GALNT1: variants seen among roughly 807,000 people sequenced by gnomAD.
GALNT1 encodes the protein polypeptide N-acetylgalactosaminyltransferase 1.
A neutral mutation model predicts 65.7 loss-of-function variants in GALNT1; 17 were observed. The ratio of observed to expected loss-of-function variants is 0.26; its 90% CI spans 0.18 to 0.39. GALNT1 has a LOEUF of 0.39. Among genes scored for constraint, GALNT1 ranks in the 10% least tolerant of loss-of-function variants. The probability of loss-of-function intolerance (pLI) is 1.00; values close to 1 mark genes in which losing one functional copy is unlikely to be tolerated. For missense variants in GALNT1, 460 were observed against 672.8 expected, an observed-to-expected ratio of 0.68 and a Z score of 3.50; for synonymous variants, 210 against 219.7, an observed-to-expected ratio of 0.96 and a Z score of 0.39.
At chr18:35,624,569 A>G (rs1372635816) in intron 1 of GALNT1, among the ~76,000 whole-genome samples, 3 of 151,970 alleles carry the variant, frequency 2.0e-5, no homozygotes, top group South Asian at 2.1e-4. Context: ...ATGTATTGGG[A>G]TTTATTTCTA....
chr18:35,588,303 A>G (rs1345247425), intron 1 of GALNT1, among the ~76,000 whole-genome samples: 2 of 152,148 alleles, frequency 1.3e-5, no homozygotes, highest in African/African-American at 4.8e-5. Flanking sequence ...ATCCACTGTC[A>G]TTCTAATAAT....
At chr18:35,591,443 T>C (rs377343786) in intron 1 of GALNT1, among the ~76,000 whole-genome samples, 4 of 152,248 alleles carry the variant, frequency 2.6e-5, no homozygotes, top group African/African-American at 9.6e-5. Flanking sequence ...GCTGTACTTA[T>C]ATTAATTCAT....
At chr18:35,657,992 A>G (rs1166029673) in intron 2 of GALNT1, among the ~76,000 whole-genome samples, 3 of 152,210 alleles carry the variant, frequency 2.0e-5, no homozygotes, top group African/African-American at 7.2e-5. Context: ...ACAGTGGGGT[A>G]TCAGAAACGT....
chr18:35,672,193 C>T (rs1402755161), intron 3 of GALNT1, among the ~76,000 whole-genome samples: 2 of 152,178 alleles, frequency 1.3e-5, no homozygotes, highest in Admixed American at 6.5e-5. Context: ...TTGCACACTT[C>T]CTGGAATCTA....
Position 35,687,117 on chromosome 18 carries a change from A to G in GALNT1, c.791A>G (p.Asn264Ser), listed in dbSNP as rs1054039963. The change falls in exon 6 of 12, where the codon AAT becomes AGT. Residue 264 changes from asparagine to serine, a missense_variant. Coordinates refer to ENST00000269195, the MANE Select transcript of GALNT1 (RefSeq NM_020474.4). ...TATGGTGGGTTCAACTGGAAGCTCA[A>G]TTTTCGCTGGTATCCTGTTCCCCAA... ...MTYGGFNWKLNFRWYPVPQRE... is the reference protein window; with the variant it reads ...MTYGGFNWKLSFRWYPVPQRE... 20 of 1,613,756 alleles carry G rather than the reference A, an allele frequency of 1.2e-5. No homozygotes were observed. Among genetic ancestry groups the G allele is most frequent in the Non-Finnish European group, 1.5e-5 (18 of 1,179,882 alleles).
At chr18:35,609,245 A>G (rs1009629473) in intron 1 of GALNT1, among the ~76,000 whole-genome samples, 51 of 152,182 alleles carry the variant, frequency 3.4e-4, no homozygotes, top group Admixed American at 2.0e-4. Context: ...TATTAGTGGT[A>G]CTGTAGAGGA....
chr18:35,676,735 G>C (rs371916576), intron 3 of GALNT1, among the ~76,000 whole-genome samples: 1 of 152,118 alleles, frequency 6.6e-6, no homozygotes, highest in Non-Finnish European at 1.5e-5. Context: ...GTTTAGGGGG[G>C]CTTATGTTCT....
chr18:35,597,559 CTG>C (rs2046520825), intron 1 of GALNT1: 1 of 152,348 alleles, frequency 6.6e-6, no homozygotes, highest in Non-Finnish European at 1.5e-5. Flanking sequence ...CCTTTACATG[CTG>C]CTCCTTTAAT....
Position 35,632,917 on chromosome 18 carries a change from A to T in GALNT1, c.-103-21643A>T, listed in dbSNP as rs529953158. 4.6e-5 allele frequency among the ~76,000 whole-genome samples: 7 copies of T among 152,382 alleles called. No homozygotes were observed. In the East Asian group the frequency reaches 1.3e-3, roughly 29 times the overall value. The stretch of plus-strand genomic sequence containing the variant: ...GAACAGACACTTCTCAAAAGAAGAC[A>T]TTTATGCAGCCAAAAGACACATGAA... On this transcript the variant is annotated intron_variant, in intron 1 of 11. Coordinates refer to ENST00000269195, the MANE Select transcript of GALNT1 (RefSeq NM_020474.4).
At chr18:35,638,238 C>G (rs1185618749) in intron 1 of GALNT1, among the ~76,000 whole-genome samples, 1 of 152,094 alleles carries the variant, frequency 6.6e-6, no homozygotes, top group East Asian at 1.9e-4. Context: ...CCCACAGACC[C>G]CGACCAAGCG....
chr18:35,590,768 C>A (rs916430290), intron 1 of GALNT1, among the ~76,000 whole-genome samples: 1 of 152,156 alleles, frequency 6.6e-6, no homozygotes, highest in Non-Finnish European at 1.5e-5. Context: ...ATTTACAAGT[C>A]CCCATGCGTG....
rs548250973 is a variant in GALNT1, at chr18:35,709,331, G to GACTT, written c.1534-291_1534-288dup. Among the ~76,000 whole-genome samples the GACTT allele has an allele frequency of 1.9e-4, 29 of 152,160 alleles. No individual in the cohort carries two copies. In the South Asian group the frequency reaches 5.6e-3, roughly 29 times the overall value. ...GTTACAGAGCTTATGCCAGAATTAGGACTTAGAATTTAGGTCATCTTGCAG... is the reference window on the plus strand; with the variant it reads ...GTTACAGAGCTTATGCCAGAATTAGGACTTACTTAGAATTTAGGTCATCTTGCAG... On this transcript the variant is annotated intron_variant, in intron 11 of 11. Transcript: ENST00000269195.
At chr18:35,631,243 A>G (rs1265981140) in intron 1 of GALNT1, among the ~76,000 whole-genome samples, 22 of 152,226 alleles carry the variant, frequency 1.4e-4, no homozygotes, top group Admixed American at 1.4e-3. Flanking sequence ...TGGCAGAGAC[A>G]CAACTTTAAA....
At chr18:35,673,981 A>G (rs189749630) in intron 3 of GALNT1, among the ~76,000 whole-genome samples, 133 of 152,314 alleles carry the variant, frequency 8.7e-4, no homozygotes, top group Admixed American at 3.4e-3. Flanking sequence ...CTCCCAGTCT[A>G]TTAACCTGCA....
chr18:35,594,718 AAGTGTACT>A (rs544452271), intron 1 of GALNT1, among the ~76,000 whole-genome samples: 117 of 152,316 alleles, frequency 7.7e-4, no homozygotes, highest in African/African-American at 2.8e-3. Flanking sequence ...AAGGCTGGTT[AAGTGTACT>A]AGGAGGCAAC....
chr18:35,660,730 C>T (rs2047467338), intron 2 of GALNT1, among the ~76,000 whole-genome samples: 1 of 152,184 alleles, frequency 6.6e-6, no homozygotes, highest in Non-Finnish European at 1.5e-5. Context: ...CATATATTCA[C>T]TAACCACATG....
At position 35,685,908 on chromosome 18, in the gene GALNT1, A is replaced by G. The variant is rs570615693; in HGVS notation, c.690-1108A>G. On this transcript the variant is annotated intron_variant, in intron 5 of 11. Transcript: ENST00000269195. Reference sequence around the variant, plus strand: ...ATGGCGAAACCCCAGCTCTACTAAAAATACAAAAAATTAGGCAGTCGTGGT... The same window carrying G: ...ATGGCGAAACCCCAGCTCTACTAAAGATACAAAAAATTAGGCAGTCGTGGT... 9.5e-4 allele frequency among the ~76,000 whole-genome samples: 144 copies of G among 152,228 alleles called. 1 individual carries two copies. The highest frequency in any genetic ancestry group is 3.0e-3 in the African/African-American group (125 of 41,542).
At chr18:35,594,843 C>A (rs1228698929) in intron 1 of GALNT1, among the ~76,000 whole-genome samples, 2 of 152,060 alleles carry the variant, frequency 1.3e-5, no homozygotes, top group African/African-American at 4.8e-5. Context: ...TTGGTTTTGG[C>A]TGAAGAGTAG....
chr18:35,592,186 C>CTTTTACATCCTCACTGGGCACATATTTA (rs2046453441), intron 1 of GALNT1, among the ~76,000 whole-genome samples: 1 of 152,134 alleles, frequency 6.6e-6, no homozygotes, highest in Admixed American at 6.5e-5. Flanking sequence ...AGGAAAGTGA[C>CTTTTACATCCTCACTGGGCACATATTTA]TTTTACATCC....
Sources: gnomAD v4.1 joint callset for allele counts (sites outside exome capture counted in the v4.1 genomes callset) on GRCh38, gnomAD v4.1.1 for gene constraint, MANE v1.5 for transcripts, NCBI Gene and HGNC (gene_info 2026-07-23, HGNC 2026-07-21) for gene names.